The following CLIC5 variants were observed in gnomAD, a reference collection of about 807,000 sequenced individuals.
The protein encoded by CLIC5 is chloride intracellular channel protein 5.
A neutral mutation model predicts 24.7 loss-of-function variants in CLIC5; 20 were observed. That is an observed-to-expected ratio of 0.81 (90% CI 0.57 to 1.18). The LOEUF is 1.18. Among genes scored for constraint, CLIC5 ranks in the 50% most tolerant of loss-of-function variants. The pLI is 0.00. For missense variants in CLIC5, 341 were observed against 326.1 expected, an observed-to-expected ratio of 1.05 and a Z score of -0.35; for synonymous variants, 159 against 135.6, an observed-to-expected ratio of 1.17 and a Z score of -1.20.
chr6:45,907,692 T>C (rs1762699921), intron 5 of CLIC5, among the ~76,000 whole-genome samples: 1 of 152,148 alleles, frequency 6.6e-6, no homozygotes, highest in African/African-American at 2.4e-5. Context: ...AAATTACTGA[T>C]TCAATTTCAT....
intron 1 of CLIC5, among the ~76,000 whole-genome samples, chr6:46,008,611 T>C (rs12210037): frequency 4.5e-4 from 69 of 151,934 alleles, no homozygotes; most frequent in Non-Finnish European, 8.8e-4. Context: ...CATTTTCATA[T>C]ATTGATTGAT....
intron 4 of CLIC5, among the ~76,000 whole-genome samples, chr6:45,933,423 A>G (rs143151037): frequency 6.6e-6 from 1 of 152,222 alleles, no homozygotes; most frequent in Non-Finnish European, 1.5e-5. Context: ...AATGAAGGCA[A>G]TTTGTTAGGC....
chr6:46,076,600 G>A lies in CLIC5; in HGVS notation c.540+3103C>T, dbSNP rs199580585. 7.9e-5 allele frequency among the ~76,000 whole-genome samples: 12 copies of A among 152,216 alleles called. No individual in the cohort carries two copies. In the East Asian group the frequency reaches 2.1e-3, roughly 27 times the overall value. On this transcript the variant is annotated intron_variant, in intron 1 of 5. Coordinates refer to the CLIC5 transcript ENST00000185206. Reference sequence around the variant, plus strand: ...CAAATTCTCCCCAGAGCCTCCAGAAGGAAAACAGCTCTGCTGACACCTTGA... The same window carrying A: ...CAAATTCTCCCCAGAGCCTCCAGAAAGAAAACAGCTCTGCTGACACCTTGA...
chr6:46,069,491 C>T lies in CLIC5; in HGVS notation c.540+10212G>A, dbSNP rs189411442. 2.6e-3 allele frequency among the ~76,000 whole-genome samples: 401 copies of T among 152,156 alleles called. 7 individuals carry two copies. The highest frequency in any genetic ancestry group is 7.2e-4 in the Non-Finnish European group (49 of 67,988). ...ATTGATAAATTCCTGGACACATACA[C>T]CCTCCCAAGACTGAACCAGGAAGAA... On this transcript the variant is annotated intron_variant, in intron 1 of 5. Transcript: ENST00000185206.
intron 4 of CLIC5, among the ~76,000 whole-genome samples, chr6:45,940,589 G>A (rs1764095015): frequency 1.3e-5 from 2 of 152,130 alleles, no homozygotes; most frequent in Admixed American, 6.5e-5. Context: ...CCTTGTTTTG[G>A]TCCATTGTGC....
At chr6:46,071,343 C>T (rs1387495302) in intron 1 of CLIC5, among the ~76,000 whole-genome samples, 1 of 151,856 alleles carries the variant, frequency 6.6e-6, no homozygotes, top group Non-Finnish European at 1.5e-5. Flanking sequence ...ATGTAATATC[C>T]AGCATCTAAA....
chr6:46,079,606 T>C (rs1562041414), intron 1 of CLIC5: 8 of 1,012,426 alleles, frequency 7.9e-6, no homozygotes, highest in Non-Finnish European at 1.0e-5. Flanking sequence ...CCAAGGACCA[T>C]GGCATTATGA....
chr6:46,036,121 C>T (rs1767652168), intron 1 of CLIC5, among the ~76,000 whole-genome samples: 2 of 152,232 alleles, frequency 1.3e-5, no homozygotes, highest in South Asian at 4.2e-4. Flanking sequence ...TTCTCAAATC[C>T]CACCTTGCTT....
At chr6:45,979,238 A>G (rs1052017780) in intron 1 of CLIC5, among the ~76,000 whole-genome samples, 14 of 152,194 alleles carry the variant, frequency 9.2e-5, no homozygotes, top group Non-Finnish European at 5.9e-5. Context: ...CATGTATTAT[A>G]TGTGCTAACT....
intron 1 of CLIC5, among the ~76,000 whole-genome samples, chr6:45,991,178 A>G (rs1765922785): frequency 1.3e-5 from 2 of 152,242 alleles, no homozygotes; most frequent in Admixed American, 1.3e-4. Flanking sequence ...GATTTTCTGC[A>G]GATGTTATCA....
At chr6:46,006,000 T>TATA (rs1766544664) in intron 1 of CLIC5, among the ~76,000 whole-genome samples, 1 of 106,166 alleles carries the variant, frequency 9.4e-6, no homozygotes, top group African/African-American at 3.3e-5. Context: ...ATATATATAT[T>TATA]TATATATATA....
chr6:46,065,085 C>A (rs1455025646), intron 1 of CLIC5, among the ~76,000 whole-genome samples: 1 of 152,016 alleles, frequency 6.6e-6, no homozygotes, highest in Non-Finnish European at 1.5e-5. Context: ...GTAATAAGAT[C>A]AAATGCTAAA....
At chr6:46,125,748 G>T in the CLIC5 span, among the ~76,000 whole-genome samples, 2 of 152,064 alleles carry the variant, frequency 1.3e-5, no homozygotes, top group Admixed American at 1.3e-4. Context: ...TTTCTTCTCA[G>T]GTAGACTTTC....
chr6:45,918,607 C>G (rs1763122552), intron 4 of CLIC5, among the ~76,000 whole-genome samples: 12 of 152,248 alleles, frequency 7.9e-5, no homozygotes, highest in Admixed American at 7.9e-4. Context: ...TGGTTTTTCT[C>G]TTGTATGTGT....
chr6:46,036,230 T>A (rs928368052), intron 1 of CLIC5, among the ~76,000 whole-genome samples: 1 of 152,196 alleles, frequency 6.6e-6, no homozygotes, highest in African/African-American at 2.4e-5. Context: ...TTACCCCTTT[T>A]GTTTAATCCC....
chr6:46,072,958 C>T (rs143546512), intron 1 of CLIC5, among the ~76,000 whole-genome samples: 1 of 152,262 alleles, frequency 6.6e-6, no homozygotes, highest in Non-Finnish European at 1.5e-5. Flanking sequence ...AATATATTCC[C>T]AGGCTAGGAA....
the CLIC5 span, among the ~76,000 whole-genome samples, chr6:46,094,608 C>T: frequency 6.6e-6 from 1 of 152,204 alleles, no homozygotes; most frequent in African/African-American, 2.4e-5. Flanking sequence ...TTTCTCACAT[C>T]CAGGGAACAC....
At chr6:45,957,125 G>C (rs1026303705) in intron 1 of CLIC5, among the ~76,000 whole-genome samples, 5 of 152,146 alleles carry the variant, frequency 3.3e-5, no homozygotes, top group African/African-American at 1.2e-4. Context: ...AACAAAAACA[G>C]AAGCCAGATC....
At chr6:46,053,030 A>G (rs1768147421) in intron 1 of CLIC5, among the ~76,000 whole-genome samples, 1 of 152,218 alleles carries the variant, frequency 6.6e-6, no homozygotes, top group Non-Finnish European at 1.5e-5. Flanking sequence ...GAAAAATTTA[A>G]TAGAAGAGCT....
Sources: gnomAD v4.1 joint callset for allele counts (sites outside exome capture counted in the v4.1 genomes callset) on GRCh38, gnomAD v4.1.1 for gene constraint, MANE v1.5 for transcripts, NCBI Gene and HGNC (gene_info 2026-07-23, HGNC 2026-07-21) for gene names.